The following FIRRM variants were observed in gnomAD, a reference collection of about 807,000 sequenced individuals.
FIRRM encodes the protein FIGNL1-interacting regulator of recombination and mitosis.
At chr1:169,849,233 C>T in the FIRRM span, among the ~76,000 whole-genome samples, 13 of 152,144 alleles carry the variant, frequency 8.5e-5, no homozygotes, top group Non-Finnish European at 1.9e-4. Context: ...GAGCATGCCT[C>T]ATATTCAGGG....
the FIRRM span, among the ~76,000 whole-genome samples, chr1:169,814,868 T>C: frequency 1.3e-5 from 2 of 152,202 alleles, no homozygotes; most frequent in African/African-American, 4.8e-5. Flanking sequence ...TTGGCACCCC[T>C]AGACCCCATG....
the FIRRM span, among the ~76,000 whole-genome samples, chr1:169,785,858 G>C: frequency 4.6e-5 from 7 of 152,128 alleles, no homozygotes; most frequent in African/African-American, 1.7e-4. Context: ...GGCTGATCCA[G>C]GATGTTTCTT....
At chr1:169,793,573 T>C in the FIRRM span, 1 of 1,614,214 alleles carries the variant, frequency 6.2e-7, no homozygotes. Context: ...CCCTCTCTTC[T>C]CCTTTTTGAC....
the FIRRM span, chr1:169,826,926 A>T: frequency 1.3e-6 from 1 of 792,114 alleles, no homozygotes; most frequent in Non-Finnish European, 1.9e-6. Context: ...TAAAATGCAC[A>T]CTTATTTTTA....
the FIRRM span, chr1:169,826,975 C>G: frequency 1.6e-6 from 2 of 1,253,638 alleles, no homozygotes; most frequent in Non-Finnish European, 2.2e-6. Flanking sequence ...ACCAGAACAT[C>G]AGTTTATAGT....
chr1:169,824,107 A>G, the FIRRM span, among the ~76,000 whole-genome samples: 16,066 of 152,184 alleles, frequency 0.11, 1,025 homozygotes, highest in Admixed American at 0.18. Context: ...GTATCTTCCA[A>G]CACCTTCCCA....
At chr1:169,802,210 T>C in the FIRRM span, among the ~76,000 whole-genome samples, 8 of 152,318 alleles carry the variant, frequency 5.3e-5, no homozygotes, top group Non-Finnish European at 7.4e-5. Flanking sequence ...GAGTAGTGAA[T>C]AGGCGATTCA....
chr1:169,809,943 A>C, the FIRRM span, among the ~76,000 whole-genome samples: 1 of 152,176 alleles, frequency 6.6e-6, no homozygotes. Context: ...AGGGATTATA[A>C]ATATTAGAAA....
chr1:169,804,206 A>G, the FIRRM span: 8 of 1,579,350 alleles, frequency 5.1e-6, no homozygotes, highest in African/African-American at 2.7e-5. Context: ...ACCCTTTAGT[A>G]GATGACAATG....
chr1:169,822,410 A>G, the FIRRM span, among the ~76,000 whole-genome samples: 1 of 152,168 alleles, frequency 6.6e-6, no homozygotes, highest in South Asian at 2.1e-4. Context: ...TTTAAAAACC[A>G]CTAATATCTT....
At chr1:169,846,624 G>A in the FIRRM span, among the ~76,000 whole-genome samples, 2 of 152,058 alleles carry the variant, frequency 1.3e-5, no homozygotes, top group Non-Finnish European at 2.9e-5. Flanking sequence ...TAAACTTCAC[G>A]GGTCAACCTC....
At chr1:169,815,201 CAGG>C in the FIRRM span, among the ~76,000 whole-genome samples, 1 of 151,118 alleles carries the variant, frequency 6.6e-6, no homozygotes, top group Admixed American at 6.6e-5. Context: ...GAGGCTGAGG[CAGG>C]AGAATCTCTT....
chr1:169,802,167 T>C, the FIRRM span, among the ~76,000 whole-genome samples: 6 of 152,292 alleles, frequency 3.9e-5, no homozygotes, highest in East Asian at 1.2e-3. Context: ...TTAGCTTGAA[T>C]TGGGTCAAAA....
At chr1:169,851,994 CT>C in the FIRRM span, 1 of 1,611,548 alleles carries the variant, frequency 6.2e-7, no homozygotes, top group Non-Finnish European at 8.5e-7. Context: ...GCCCTTTTTA[CT>C]TACTGACGAA....
chr1:169,793,195 T>G, the FIRRM span: 1 of 1,614,182 alleles, frequency 6.2e-7, no homozygotes, highest in Non-Finnish European at 8.5e-7. Context: ...ATTCCCAGAT[T>G]TTTAAGCCTC....
the FIRRM span, chr1:169,784,864 T>C: frequency 6.6e-6 from 1 of 151,504 alleles, no homozygotes; most frequent in African/African-American, 2.4e-5. Flanking sequence ...TAAGTGGTAA[T>C]TTTTTTTTAC....
the FIRRM span, chr1:169,854,051 T>TAAA: frequency 1.8e-6 from 1 of 566,168 alleles, no homozygotes; most frequent in East Asian, 3.0e-5. Flanking sequence ...CTTTTTCAAA[T>TAAA]AAAAAGGTTA....
chr1:169,800,750 C>G, the FIRRM span: 2 of 174,028 alleles, frequency 1.1e-5, no homozygotes, highest in South Asian at 1.4e-4. Context: ...TTAATAGTTT[C>G]TCTGTATAGA....
the FIRRM span, chr1:169,853,691 A>C: frequency 6.2e-7 from 1 of 1,609,578 alleles, no homozygotes; most frequent in Non-Finnish European, 8.5e-7. Context: ...CCTTTTTCCT[A>C]AAGTTTAACT....
Sources: allele counts gnomAD v4.1 joint callset (sites outside exome capture counted in the v4.1 genomes callset), GRCh38; gene constraint gnomAD v4.1.1; transcripts MANE v1.5; gene names NCBI Gene and HGNC (gene_info 2026-07-23, HGNC 2026-07-21).